Variants in MAPKAP1 observed in about 807,000 individuals in gnomAD.
MAPKAP1 encodes the protein MAPK associated protein 1, also known as target of rapamycin complex 2 subunit MAPKAP1.
MAPKAP1 carries 20 observed loss-of-function variants against 65.7 expected under a neutral mutation model. The observed-to-expected ratio is 0.30, with a 90% CI of 0.21 to 0.44. The LOEUF (loss-of-function observed/expected upper bound fraction) is 0.44, where lower values mean the gene tolerates loss of function less well. MAPKAP1 is among the 20% of genes least tolerant of loss of function. The pLI is 1.00. For synonymous variants in MAPKAP1, 222 were observed against 244.3 expected (o/e 0.91, Z 0.85); for missense variants, 423 against 648.0 (o/e 0.65, Z 3.77).
intron 10 of MAPKAP1, among the ~76,000 whole-genome samples, chr9:125,459,263 C>T (rs1380178083): frequency 1.7e-4 from 26 of 150,832 alleles, no homozygotes; most frequent in African/African-American, 5.4e-4. Context: ...TGATGGCGGC[C>T]GGGAAGAGGC....
At chr9:125,557,701 AC>A (rs1478378282) in intron 6 of MAPKAP1, among the ~76,000 whole-genome samples, 1 of 149,896 alleles carries the variant, frequency 6.7e-6, no homozygotes, top group African/African-American at 2.4e-5. Context: ...TTCCACTACA[AC>A]CCATACACTT....
intron 6 of MAPKAP1, among the ~76,000 whole-genome samples, chr9:125,547,284 T>C (rs912421622): frequency 2.6e-4 from 39 of 152,156 alleles, no homozygotes; most frequent in African/African-American, 9.4e-4. Context: ...CTGAAAAGCT[T>C]AGATTCTATC....
chr9:125,518,091 T>C (rs1457376708), intron 7 of MAPKAP1, among the ~76,000 whole-genome samples: 1 of 152,260 alleles, frequency 6.6e-6, no homozygotes, highest in Non-Finnish European at 1.5e-5. Context: ...CTCAACAATC[T>C]ACTTCTTCTA....
At chr9:125,650,720 G>C (rs1833868814) in intron 4 of MAPKAP1, among the ~76,000 whole-genome samples, 2 of 152,204 alleles carry the variant, frequency 1.3e-5, no homozygotes, top group African/African-American at 4.8e-5. Context: ...ATGAGGCCTA[G>C]ACAGAGAGCT....
chr9:125,588,312 C>G (rs936933392), intron 4 of MAPKAP1, among the ~76,000 whole-genome samples: 2 of 152,136 alleles, frequency 1.3e-5, no homozygotes, highest in African/African-American at 2.4e-5. Context: ...TGAAAGGCCA[C>G]TACTGTATGA....
intron 7 of MAPKAP1, among the ~76,000 whole-genome samples, chr9:125,515,235 G>T (rs1829426453): frequency 6.6e-6 from 1 of 152,014 alleles, no homozygotes; most frequent in African/African-American, 2.4e-5. Flanking sequence ...GAAAGACCAA[G>T]GCTGTTCCAA....
At chr9:125,590,715 C>T (rs1279063437) in intron 4 of MAPKAP1, among the ~76,000 whole-genome samples, 2 of 152,018 alleles carry the variant, frequency 1.3e-5, no homozygotes, top group Non-Finnish European at 2.9e-5. Context: ...GTAAACTCTG[C>T]TAAATGTTTG....
intron 4 of MAPKAP1, among the ~76,000 whole-genome samples, chr9:125,617,816 G>A (rs548607519): frequency 3.7e-4 from 56 of 152,254 alleles, no homozygotes; most frequent in African/African-American, 1.2e-3. Context: ...ATCTGTGAGT[G>A]GTCAGGGAGC....
intron 4 of MAPKAP1, among the ~76,000 whole-genome samples, chr9:125,609,232 T>C (rs2131626107): frequency 6.6e-6 from 1 of 152,332 alleles, no homozygotes; most frequent in East Asian, 1.9e-4. Flanking sequence ...AAAATTCCTA[T>C]CTTTGAGGTC....
At chr9:125,487,615 T>TA (rs35665829) in intron 8 of MAPKAP1, among the ~76,000 whole-genome samples, 59,988 of 126,702 alleles carry the variant, frequency 0.47, 13,588 homozygotes, top group African/African-American at 0.61. Context: ...TGCCAATTAC[T>TA]AAAAAAAAAA....
At chr9:125,602,505 C>T (rs746931417) in intron 4 of MAPKAP1, among the ~76,000 whole-genome samples, 4 of 151,964 alleles carry the variant, frequency 2.6e-5, no homozygotes, top group Non-Finnish European at 5.9e-5. Flanking sequence ...CAGGATAATA[C>T]AAACTGTCAG....
chr9:125,534,380 C>T (rs773789899), intron 7 of MAPKAP1, among the ~76,000 whole-genome samples: 7 of 152,190 alleles, frequency 4.6e-5, no homozygotes, highest in Non-Finnish European at 8.8e-5. Context: ...AATGCCACTA[C>T]CTTCTTTTGA....
chr9:125,619,242 T>G (rs541787932), intron 4 of MAPKAP1, among the ~76,000 whole-genome samples: 2 of 152,164 alleles, frequency 1.3e-5, no homozygotes, highest in Non-Finnish European at 2.9e-5. Flanking sequence ...GAGTTAACAT[T>G]CCCCTAATGC....
intron 7 of MAPKAP1, among the ~76,000 whole-genome samples, chr9:125,528,762 G>A (rs1208607575): frequency 2.0e-5 from 3 of 146,624 alleles, no homozygotes; most frequent in Non-Finnish European, 3.0e-5. Context: ...CAGGAGAATC[G>A]CCTGAACTCG....
At chr9:125,530,474 T>G (rs1829903969) in intron 7 of MAPKAP1, among the ~76,000 whole-genome samples, 1 of 152,272 alleles carries the variant, frequency 6.6e-6, no homozygotes, top group African/African-American at 2.4e-5. Context: ...TTTTAAAACT[T>G]ACTTATAAAT....
At chr9:125,603,040 A>C (rs1037981919) in intron 4 of MAPKAP1, among the ~76,000 whole-genome samples, 1 of 149,862 alleles carries the variant, frequency 6.7e-6, no homozygotes, top group Non-Finnish European at 1.5e-5. Flanking sequence ...GACTACAGGA[A>C]CACCACCACA....
intron 7 of MAPKAP1, among the ~76,000 whole-genome samples, chr9:125,506,927 A>G (rs1445732394): frequency 6.6e-6 from 1 of 152,274 alleles, no homozygotes; most frequent in African/African-American, 2.4e-5. Context: ...AGTCCAAAAA[A>G]TTCAAAACAA....
At chr9:125,671,330 A>C (rs1366961233) in intron 2 of MAPKAP1, among the ~76,000 whole-genome samples, 1 of 152,166 alleles carries the variant, frequency 6.6e-6, no homozygotes, top group Non-Finnish European at 1.5e-5. Context: ...CTGAACCAAA[A>C]CTTGAATGTG....
chr9:125,704,701 C>T (rs1317508995), intron 1 of MAPKAP1, among the ~76,000 whole-genome samples: 2 of 152,220 alleles, frequency 1.3e-5, no homozygotes, highest in Admixed American at 6.5e-5. Flanking sequence ...GCCCCTCCAA[C>T]TTTACGTCCT....
Sources: gnomAD v4.1 joint callset for allele counts (sites outside exome capture counted in the v4.1 genomes callset) on GRCh38, gnomAD v4.1.1 for gene constraint, MANE v1.5 for transcripts, NCBI Gene and HGNC (gene_info 2026-07-23, HGNC 2026-07-21) for gene names.